Variants in G3BP2 observed in about 807,000 individuals in gnomAD.
G3BP2 encodes the protein G3BP stress granule assembly factor 2.
G3BP2 carries 11 observed loss-of-function variants against 56.7 expected under a neutral mutation model. The ratio of observed to expected loss-of-function variants is 0.19; its 90% CI spans 0.12 to 0.32. G3BP2 has a LOEUF of 0.32. Among genes scored for constraint, G3BP2 ranks in the 10% least tolerant of loss-of-function variants. G3BP2 has a pLI of 1.00. For missense variants in G3BP2, 340 were observed against 610.9 expected (o/e 0.56, Z 4.67); for synonymous variants, 165 against 191.6 (o/e 0.86, Z 1.15).
At chr4:75,651,184 C>T (rs1186870695) in intron 8 of G3BP2, among the ~76,000 whole-genome samples, 1 of 152,214 alleles carries the variant, frequency 6.6e-6, no homozygotes, top group South Asian at 2.1e-4. Flanking sequence ...AGAGAATAAA[C>T]GTACTCTGTC....
chr4:75,688,652 C>A (rs1718722616), intron 3 of G3BP2, among the ~76,000 whole-genome samples: 1 of 152,174 alleles, frequency 6.6e-6, no homozygotes, highest in Non-Finnish European at 1.5e-5. Flanking sequence ...TAGGTAAGGC[C>A]TGATTCACAA....
chr4:75,716,495 TTTTGTTTTTC>T (rs1480400765), intron 3 of G3BP2, among the ~76,000 whole-genome samples: 1 of 147,596 alleles, frequency 6.8e-6, no homozygotes, highest in Middle Eastern at 3.7e-3. Context: ...TCTTGTTTTT[TTTTGTTTTTC>T]TTTGTTTTGT....
chr4:75,671,305 T>TA (rs1560404265), intron 1 of G3BP2, among the ~76,000 whole-genome samples: 1 of 152,194 alleles, frequency 6.6e-6, no homozygotes, highest in African/African-American at 2.4e-5. Context: ...AAAGTCTTTT[T>TA]AAAGCAATCT....
In G3BP2 at chr4:75,662,597, A is replaced by G. The variant is rs569545089; in HGVS notation, c.-24-548T>C. Reference sequence around the variant, plus strand: ...CACTATTAAAAAGCAACTTACAACAAATAGCAAAACAATACATTCCTAACT... The same window carrying G: ...CACTATTAAAAAGCAACTTACAACAGATAGCAAAACAATACATTCCTAACT... On this transcript the variant is annotated intron_variant, in intron 1 of 11. Coordinates refer to ENST00000359707, the MANE Select transcript of G3BP2 (RefSeq NM_203505.3). The G allele has an allele frequency of 2.0e-5, 3 of 152,368 alleles. No individual in the cohort carries two copies. The East Asian group carries it at 5.8e-4, about 29-fold the overall frequency. The allele number at this position is 152,368 out of a possible 1,614,324, so 9.4% of individuals were successfully genotyped here.
At chr4:75,660,819 T>C (rs1168114007) in intron 2 of G3BP2, among the ~76,000 whole-genome samples, 1 of 152,226 alleles carries the variant, frequency 6.6e-6, no homozygotes. Context: ...TGTAAGAGTT[T>C]CACCTATCTT....
intron 3 of G3BP2, among the ~76,000 whole-genome samples, chr4:75,693,650 G>A (rs1409889120): frequency 2.6e-5 from 4 of 151,962 alleles, no homozygotes; most frequent in Admixed American, 6.6e-5. Flanking sequence ...TTAGCTGGGC[G>A]CGGTGGCGGG....
chr4:75,658,163 T>G (rs190522772), intron 3 of G3BP2, among the ~76,000 whole-genome samples: 2 of 152,344 alleles, frequency 1.3e-5, no homozygotes, highest in East Asian at 3.9e-4. Context: ...TACATTTCTG[T>G]GCATTCCTAT....
At chr4:75,700,654 C>T (rs1445520813) in intron 3 of G3BP2, among the ~76,000 whole-genome samples, 24 of 149,018 alleles carry the variant, frequency 1.6e-4, no homozygotes, top group African/African-American at 1.7e-4. Context: ...CTCCTGACCT[C>T]GTGATCCGCC....
chr4:75,690,519 G>C (rs1718810532), intron 3 of G3BP2, among the ~76,000 whole-genome samples: 1 of 152,152 alleles, frequency 6.6e-6, no homozygotes, highest in Non-Finnish European at 1.5e-5. Context: ...TTAAGGGCTG[G>C]GGATGAGTGG....
chr4:75,670,432 G>A (rs1256006681), intron 1 of G3BP2: 1 of 152,140 alleles, frequency 6.6e-6, no homozygotes, highest in Non-Finnish European at 1.5e-5. Context: ...GAAGATCTAA[G>A]AATCATAGTG....
At position 75,669,891 on chromosome 4, in the gene G3BP2, G is replaced by A. The variant is rs150253261; in HGVS notation, c.-25+3317C>T. On this transcript the variant is annotated intron_variant, in intron 1 of 11. Transcript: ENST00000359707. Reference sequence around the variant, plus strand: ...GTGGATCACCTGAGGTCAGGAGTTCGAGACCAGCCTGACCAACATGGCAAA... The same window carrying A: ...GTGGATCACCTGAGGTCAGGAGTTCAAGACCAGCCTGACCAACATGGCAAA... 2.7e-4 allele frequency among the ~76,000 whole-genome samples: 41 copies of A among 152,194 alleles called. No individual in the cohort carries two copies. The East Asian group carries it at 4.8e-3, about 18-fold the overall frequency.
Position 75,689,875 on chromosome 4 carries a change from T to C in G3BP2, c.-24-27826A>G, listed in dbSNP as rs568569727. On this transcript the variant is annotated intron_variant, in intron 3 of 3. Transcript: ENST00000499709. ...AAAGAAGATATATTTTACAAGTATA[T>C]GGGTATAAAGTTCAAAAGGAGCAAA... Among the ~76,000 whole-genome samples, 41 of 152,208 alleles carry C rather than the reference T, an allele frequency of 2.7e-4. 2 individuals carry two copies. The South Asian group carries it at 8.3e-3, about 31-fold the overall frequency.
chr4:75,648,273 G>A (rs1731382438), intron 9 of G3BP2, among the ~76,000 whole-genome samples: 2 of 151,328 alleles, frequency 1.3e-5, no homozygotes, highest in Admixed American at 6.6e-5. Flanking sequence ...ATTTGAACCC[G>A]GGAGACAGAG....
At chr4:75,680,910 G>C (rs1042747593) in intron 3 of G3BP2, among the ~76,000 whole-genome samples, 3 of 151,460 alleles carry the variant, frequency 2.0e-5, no homozygotes, top group Admixed American at 6.6e-5. Context: ...AGAGGTTGCA[G>C]TGAGCTGAGA....
chr4:75,683,989 A>G (rs565603556), intron 3 of G3BP2, among the ~76,000 whole-genome samples: 1 of 152,322 alleles, frequency 6.6e-6, no homozygotes, highest in Admixed American at 6.5e-5. Context: ...TCTCTAAGCA[A>G]CAAAGAGCTA....
At chr4:75,700,250 G>A (rs978769211) in intron 3 of G3BP2, among the ~76,000 whole-genome samples, 3 of 151,054 alleles carry the variant, frequency 2.0e-5, no homozygotes, top group African/African-American at 7.3e-5. Flanking sequence ...GACGGGGTTT[G>A]ACCACGTTGG....
chr4:75,708,402 C>T (rs1391212779), intron 3 of G3BP2, among the ~76,000 whole-genome samples: 1 of 152,150 alleles, frequency 6.6e-6, no homozygotes, highest in African/African-American at 2.4e-5. Context: ...AGAGGGTAAA[C>T]AAATTCTATA....
chr4:75,645,772 G>A (rs558702023), intron 11 of G3BP2, 70 bp from the exon 12 acceptor site: 5 of 1,370,866 alleles, frequency 3.6e-6, no homozygotes, highest in Admixed American at 1.8e-5. Context: ...ACTCTGAACA[G>A]GTCAGTCAGA....
upstream of G3BP2, among the ~76,000 whole-genome samples, chr4:75,677,847 T>A (rs1244992346): frequency 1.3e-5 from 2 of 152,194 alleles, no homozygotes; most frequent in African/African-American, 2.4e-5. Flanking sequence ...TGTTGAAACT[T>A]AATCTCCAAT....
Sources: allele counts gnomAD v4.1 joint callset (sites outside exome capture counted in the v4.1 genomes callset), GRCh38; gene constraint gnomAD v4.1.1; transcripts MANE v1.5; gene names NCBI Gene and HGNC (gene_info 2026-07-23, HGNC 2026-07-21).